TMEM177: variants seen among roughly 807,000 people sequenced by gnomAD.
TMEM177 encodes transmembrane protein 177.
TMEM177 carries 4 observed loss-of-function variants against 14.2 expected under a neutral mutation model. The ratio of observed to expected loss-of-function variants is 0.28; its 90% CI spans 0.14 to 0.64. TMEM177 has a LOEUF of 0.64. TMEM177 is among the 30% of genes least tolerant of loss of function. TMEM177 has a pLI of 0.82. For missense variants in TMEM177, 344 were observed against 405.2 expected (o/e 0.85, Z 1.30); for synonymous variants, 179 against 174.5 (o/e 1.03, Z -0.20).
At chr2:119,694,108 CATACCACAT>C in the TMEM177 span, among the ~76,000 whole-genome samples, 14 of 25,290 alleles carry the variant, frequency 5.5e-4, no homozygotes. Flanking sequence ...CACACAAACA[CATACCACAT>C]GCACCACATG....
At chr2:119,693,692 C>T in the TMEM177 span, among the ~76,000 whole-genome samples, 1 of 152,154 alleles carries the variant, frequency 6.6e-6, no homozygotes, top group African/African-American at 2.4e-5. Flanking sequence ...CAAGCCCATG[C>T]AGCCTGAGGA....
At chr2:119,694,058 T>C in the TMEM177 span, among the ~76,000 whole-genome samples, 8 of 3,788 alleles carry the variant, frequency 2.1e-3, no homozygotes, top group Admixed American at 5.8e-3. Flanking sequence ...ATCACGCACA[T>C]GCAACATACA....
At chr2:119,716,396 C>G in the TMEM177 span, among the ~76,000 whole-genome samples, 1 of 152,244 alleles carries the variant, frequency 6.6e-6, no homozygotes, top group Non-Finnish European at 1.5e-5. Context: ...TTGCCTTCAA[C>G]AGAAGGCGTA....
Position 119,681,722 on chromosome 2 carries a change from C to T in TMEM177, c.869C>T (p.Pro290Leu), listed in dbSNP as rs1558688844. The T allele has an allele frequency of 6.2e-7, 1 of 1,614,130 alleles. No homozygotes were observed. The highest frequency in any genetic ancestry group is 8.5e-7 in the Non-Finnish European group (1 of 1,180,048). Residue 290 changes from proline to leucine, a missense_variant, in exon 2 of 2, where the codon CCC becomes CTC. Transcript: ENST00000272521. ...PRHLFRIKHL[P>L]YTTRRDSVLQ... ...CACTTGTTCCGAATCAAACATTTAC[C>T]CTACACCACCCGCCGGGACTCTGTG...
chr2:119,684,147 T>A (rs1204626874), downstream of TMEM177, among the ~76,000 whole-genome samples: 1 of 152,218 alleles, frequency 6.6e-6, no homozygotes. Flanking sequence ...TGTCCCACTT[T>A]CCCTTGCTCT....
At chr2:119,711,724 C>T in the TMEM177 span, among the ~76,000 whole-genome samples, 2,430 of 152,226 alleles carry the variant, frequency 0.016, 67 homozygotes, top group African/African-American at 0.054. Flanking sequence ...CAAGGAAGCT[C>T]GACAAGGCGC....
chr2:119,695,271 C>G, the TMEM177 span, among the ~76,000 whole-genome samples: 1 of 152,226 alleles, frequency 6.6e-6, no homozygotes, highest in Admixed American at 6.5e-5. Flanking sequence ...ACCTTTCACA[C>G]CCAGCCCTTT....
chr2:119,700,029 C>G, the TMEM177 span: 1 of 299,664 alleles, frequency 3.3e-6, no homozygotes, highest in Non-Finnish European at 6.5e-6. Flanking sequence ...CATGAGCTCT[C>G]CCTGCCACAT....
chr2:119,700,335 GTTTC>G, the TMEM177 span, among the ~76,000 whole-genome samples: 1 of 152,106 alleles, frequency 6.6e-6, no homozygotes, highest in Non-Finnish European at 1.5e-5. Flanking sequence ...CAGTATCATT[GTTTC>G]TTTCAGTTTA....
At chr2:119,694,280 CCA>C in the TMEM177 span, among the ~76,000 whole-genome samples, 78,951 of 149,582 alleles carry the variant, frequency 0.53, 20,830 homozygotes, top group South Asian at 0.63. Flanking sequence ...GTGTGGTATA[CCA>C]CACACACACA....
At chr2:119,698,686 C>A in the TMEM177 span, 4 of 162,150 alleles carry the variant, frequency 2.5e-5, no homozygotes, top group South Asian at 7.1e-4. Context: ...GTGTTTCCAT[C>A]TTTGTGTTCA....
chr2:119,694,878 C>T, the TMEM177 span, among the ~76,000 whole-genome samples: 1 of 152,176 alleles, frequency 6.6e-6, no homozygotes, highest in South Asian at 2.1e-4. Flanking sequence ...GCTTATATGC[C>T]ACACTTAGGA....
chr2:119,680,451 C>A (rs1367338048), intron 1 of TMEM177, among the ~76,000 whole-genome samples: 1 of 152,170 alleles, frequency 6.6e-6, no homozygotes, highest in Admixed American at 6.5e-5. Context: ...AATTAGTAAT[C>A]ATAGGGCTTT....
chr2:119,713,602 G>A, the TMEM177 span, among the ~76,000 whole-genome samples: 1 of 152,168 alleles, frequency 6.6e-6, no homozygotes, highest in East Asian at 1.9e-4. Flanking sequence ...CACTTTGGGA[G>A]CCCGAGGCAG....
the TMEM177 span, among the ~76,000 whole-genome samples, chr2:119,694,160 C>T: frequency 1.8e-4 from 16 of 86,616 alleles, no homozygotes; most frequent in Non-Finnish European, 3.5e-4. Context: ...ACACATGCAA[C>T]GTGCCACACA....
chr2:119,682,604 G>T (rs1688934185), downstream of TMEM177, among the ~76,000 whole-genome samples: 1 of 152,182 alleles, frequency 6.6e-6, no homozygotes, highest in Non-Finnish European at 1.5e-5. Flanking sequence ...CTGGACCTGA[G>T]GGGAGGGGAG....
chr2:119,681,540 C>T lies in TMEM177; in HGVS notation c.687C>T (p.Ser229=), dbSNP rs758167491. Residue 229 remains serine (S), a synonymous_variant, in exon 2 of 2, where the codon TCC becomes TCT. Transcript: ENST00000272521. ...ATTCTCTCACTCATGCCGTGGAGTC[C>T]TGGCTGGACCGCCGCACGGCCTCCC... ...SQDSLTHAVE[S]WLDRRTASLS... The T allele has an allele frequency of 1.9e-6, 3 of 1,614,190 alleles. No homozygotes were observed. In the Admixed American group the frequency reaches 5.0e-5, roughly 27 times the overall value.
At chr2:119,710,607 CT>C in the TMEM177 span, among the ~76,000 whole-genome samples, 1,094 of 144,042 alleles carry the variant, frequency 7.6e-3, 5 homozygotes, top group African/African-American at 0.018. Flanking sequence ...CACCTGCCAT[CT>C]TTTTTTTTTT....
chr2:119,692,906 A>T, the TMEM177 span, among the ~76,000 whole-genome samples: 1 of 134,988 alleles, frequency 7.4e-6, no homozygotes, highest in Non-Finnish European at 1.5e-5. Context: ...CGGGAGGCAG[A>T]GGTTGCAGTG....
Sources: gnomAD v4.1 joint callset for allele counts (sites outside exome capture counted in the v4.1 genomes callset) on GRCh38, gnomAD v4.1.1 for gene constraint, MANE v1.5 for transcripts, NCBI Gene and HGNC (gene_info 2026-07-23, HGNC 2026-07-21) for gene names.